Variants in PCDH19 observed in about 807,000 individuals in gnomAD.
PCDH19 encodes the protein protocadherin 19, also known as protocadherin-19.
Under a neutral mutation model 46.2 loss-of-function variants are expected in PCDH19, and 6 were observed. The observed-to-expected ratio is 0.13, with a 90% CI of 0.07 to 0.26. PCDH19 has a LOEUF of 0.26. Ranked by LOEUF, PCDH19 falls within the 10% of genes least tolerant of loss-of-function variation. The pLI, the probability that PCDH19 is intolerant of heterozygous loss-of-function variation, is 1.00. For synonymous variants in PCDH19, 481 were observed against 415.7 expected (o/e 1.16, Z -1.91); for missense variants, 740 against 972.3 (o/e 0.76, Z 3.18).
Position 100,319,112 on chromosome X carries a change from G to T in PCDH19, c.2849-22237C>A, listed in dbSNP as rs191109070. ...TTAAATTGAATGAGGCGTTTGGGGTGGGGAAGCAAAAACGGGCTGCACCAC... is the reference window on the plus strand; with the variant it reads ...TTAAATTGAATGAGGCGTTTGGGGTTGGGAAGCAAAAACGGGCTGCACCAC... On this transcript the variant is annotated intron_variant, in intron 5 of 5. Coordinates refer to ENST00000373034, the MANE Select transcript of PCDH19 (RefSeq NM_001184880.2). 3.5e-3 allele frequency among the ~76,000 whole-genome samples: 393 copies of T among 111,709 alleles called. 2 individuals carry two copies. Among genetic ancestry groups the T allele is most frequent in the Non-Finnish European group, 2.7e-3 (146 of 53,120 alleles).
chrX:100,360,991 G>A (rs901077812), intron 3 of PCDH19, among the ~76,000 whole-genome samples: 6 of 111,808 alleles, frequency 5.4e-5, no homozygotes, highest in African/African-American at 2.0e-4. Flanking sequence ...GGATGAGGGT[G>A]GGTTAGAATT....
chrX:100,311,337 G>C (rs1172855894), intron 5 of PCDH19, among the ~76,000 whole-genome samples: 2 of 111,262 alleles, frequency 1.8e-5, no homozygotes, highest in Admixed American at 1.9e-4. Context: ...CAGAAAGCAA[G>C]AGTAGACAGA....
chrX:100,329,240 T>C (rs1159928104), intron 5 of PCDH19, among the ~76,000 whole-genome samples: 1 of 112,628 alleles, frequency 8.9e-6, no homozygotes, highest in Non-Finnish European at 1.9e-5. Context: ...GAGAGAGGCA[T>C]AATGAAACCT....
intron 3 of PCDH19, among the ~76,000 whole-genome samples, chrX:100,362,796 CAAA>C (rs60237066): frequency 2.3e-5 from 1 of 43,574 alleles, no homozygotes. Context: ...GACTCCGATT[CAAA>C]AAAAAAAAAA....
At chrX:100,301,088 T>TC (rs1924765823) in intron 5 of PCDH19, among the ~76,000 whole-genome samples, 1 of 111,561 alleles carries the variant, frequency 9.0e-6, no homozygotes, top group Admixed American at 9.5e-5. Context: ...ATTACTACTC[T>TC]CCTCAGGACA....
intron 5 of PCDH19, among the ~76,000 whole-genome samples, chrX:100,323,503 T>C (rs372934025): frequency 1.8e-5 from 2 of 111,696 alleles, no homozygotes; most frequent in Non-Finnish European, 3.8e-5. Flanking sequence ...TTACAATAGA[T>C]CATTTCACCT....
chrX:100,357,396 A>G (rs1926749314), intron 3 of PCDH19, among the ~76,000 whole-genome samples: 1 of 111,966 alleles, frequency 8.9e-6, no homozygotes, highest in East Asian at 2.8e-4. Context: ...AGGTTATACA[A>G]TTCATAACGT....
At chrX:100,401,376 G>A (rs767480200) in intron 3 of PCDH19, among the ~76,000 whole-genome samples, 5 of 112,129 alleles carry the variant, frequency 4.5e-5, no homozygotes, top group African/African-American at 9.7e-5. Flanking sequence ...ACTTAAGCCC[G>A]GTGCAGTGGC....
intron 5 of PCDH19, among the ~76,000 whole-genome samples, chrX:100,306,876 G>A (rs951202511): frequency 9.0e-6 from 1 of 111,471 alleles, no homozygotes; most frequent in African/African-American, 3.3e-5. Context: ...ATAGAAACTC[G>A]TAACAGACCA....
At chrX:100,300,015 A>T (rs1924727554) in intron 5 of PCDH19, among the ~76,000 whole-genome samples, 1 of 112,202 alleles carries the variant, frequency 8.9e-6, no homozygotes, top group African/African-American at 3.2e-5. Flanking sequence ...TTTTGTCTAT[A>T]CAGTTACAAT....
chrX:100,299,858 C>T (rs1428630870), intron 5 of PCDH19, among the ~76,000 whole-genome samples: 1 of 112,315 alleles, frequency 8.9e-6, no homozygotes, highest in South Asian at 3.7e-4. Context: ...CCCTTCCTCA[C>T]GCAAGTGAAG....
At chrX:100,395,667 C>G (rs1928007035) in intron 3 of PCDH19, among the ~76,000 whole-genome samples, 1 of 112,993 alleles carries the variant, frequency 8.9e-6, no homozygotes, top group South Asian at 3.6e-4. Context: ...CTAATGATAA[C>G]AAGTAAGGTT....
At chrX:100,389,934 G>T (rs1417811035) in intron 3 of PCDH19, among the ~76,000 whole-genome samples, 1 of 111,112 alleles carries the variant, frequency 9.0e-6, no homozygotes, top group African/African-American at 3.3e-5. Flanking sequence ...TTCTTCTAAT[G>T]ATTTTATTAT....
intron 3 of PCDH19, among the ~76,000 whole-genome samples, chrX:100,397,520 T>C (rs1414069607): frequency 8.9e-6 from 1 of 112,290 alleles, no homozygotes; most frequent in African/African-American, 3.2e-5. Context: ...TACGGACCTA[T>C]GACTGGAATT....
intron 5 of PCDH19, among the ~76,000 whole-genome samples, chrX:100,334,845 T>C (rs1246734928): frequency 2.0e-5 from 1 of 51,246 alleles, no homozygotes; most frequent in Non-Finnish European, 3.9e-5. Flanking sequence ...TATACACATA[T>C]ACATATATAT....
chrX:100,409,744 A>G lies in PCDH19; in HGVS notation c.-1147T>C. 4.3e-6 allele frequency: 1 copy of G among 235,062 alleles called. No homozygotes were observed. Among genetic ancestry groups the G allele is most frequent in the Non-Finnish European group, 7.8e-6 (1 of 128,323 alleles). The allele number at this position is 235,062 out of a possible 1,213,427, so 19.4% of individuals were successfully genotyped here. A position where few individuals can be genotyped will look rare whatever the true frequency, so the allele number is the denominator to read the frequency against. On this transcript the variant is annotated 5_prime_UTR_variant, in exon 1 of 6. Coordinates refer to ENST00000373034, the MANE Select transcript of PCDH19 (RefSeq NM_001184880.2). The stretch of plus-strand genomic sequence containing the variant: ...CCGCCGCCGCCGCCGCCGCCGCGGG[A>G]GGAAGCCCTCCTAGCTCAGTTGCAC...
chrX:100,406,600 G>A lies in PCDH19; in HGVS notation c.1998C>T (p.Leu666=). The change falls in exon 1 of 6, where the codon CTC becomes CTT. Residue 666 remains leucine, a synonymous_variant. Coordinates refer to ENST00000373034, the MANE Select transcript of PCDH19 (RefSeq NM_001184880.2). ...ALVLIYLSPA[L]DAQESMGSVN... ...CAGAGCCCATTGACTCTTGGGCATC[G>A]AGAGCAGGGGACAAGTAGATTAGGA... 1 of 1,211,083 alleles carries A rather than the reference G, an allele frequency of 8.3e-7. No individual in the cohort carries two copies. The highest frequency in any genetic ancestry group is 1.8e-5 in the South Asian group (1 of 56,897).
At chrX:100,377,251 G>GT (rs1297241197) in intron 3 of PCDH19, among the ~76,000 whole-genome samples, 5 of 111,033 alleles carry the variant, frequency 4.5e-5, no homozygotes, top group East Asian at 2.8e-4. Flanking sequence ...TGGTAAAAGG[G>GT]TTTTTTTTCA....
chrX:100,387,306 T>C (rs1927744372), intron 3 of PCDH19, among the ~76,000 whole-genome samples: 1 of 111,866 alleles, frequency 8.9e-6, no homozygotes, highest in African/African-American at 3.2e-5. Flanking sequence ...CATTCTAATT[T>C]GTTGAAAAAA....
Sources: gnomAD v4.1 joint callset for allele counts (sites outside exome capture counted in the v4.1 genomes callset) on GRCh38, gnomAD v4.1.1 for gene constraint, MANE v1.5 for transcripts, NCBI Gene and HGNC (gene_info 2026-07-23, HGNC 2026-07-21) for gene names.